Variants in ARHGAP26 observed in about 807,000 individuals in gnomAD.
ARHGAP26 encodes the protein Rho GTPase activating protein 26.
A neutral mutation model predicts 104.8 loss-of-function variants in ARHGAP26; 38 were observed. The observed-to-expected ratio is 0.36, with a 90% CI of 0.28 to 0.48. The LOEUF (loss-of-function observed/expected upper bound fraction) is 0.48. Ranked by LOEUF, ARHGAP26 falls within the 20% of genes least tolerant of loss-of-function variation. The pLI, the probability that ARHGAP26 is intolerant of heterozygous loss-of-function variation, is 0.99. For synonymous variants in ARHGAP26, 341 were observed against 340.0 expected (o/e 1.00, Z -0.03); for missense variants, 704 against 947.9 (o/e 0.74, Z 3.38).
chr5:142,851,283 G>C (rs904027043), intron 1 of ARHGAP26, among the ~76,000 whole-genome samples: 1 of 152,096 alleles, frequency 6.6e-6, no homozygotes, highest in Non-Finnish European at 1.5e-5. Flanking sequence ...TTTTAGTAGA[G>C]ACGGGGTTTT....
At chr5:143,077,043 T>C (rs1270031015) in intron 17 of ARHGAP26, among the ~76,000 whole-genome samples, 1 of 152,244 alleles carries the variant, frequency 6.6e-6, no homozygotes, top group African/African-American at 2.4e-5. Context: ...AGTGCCACAT[T>C]ATTCTCTGTC....
rs369356204 is a variant in ARHGAP26, at chr5:143,081,400, G to A, written c.1538+23653G>A. ...ATAAAATCAAACTCTGGAAGACTAA[G>A]CACGCTGTTTGGGGAATATATTACT... On this transcript the variant is annotated intron_variant, in intron 17 of 22. Transcript: ENST00000645722. Among the ~76,000 whole-genome samples, 29 of 152,312 alleles carry A rather than the reference G, an allele frequency of 1.9e-4. 2 individuals are homozygous for A. In the East Asian group the frequency reaches 5.4e-3, roughly 28 times the overall value.
At chr5:143,062,214 A>T (rs776055051) in intron 17 of ARHGAP26, among the ~76,000 whole-genome samples, 9 of 152,264 alleles carry the variant, frequency 5.9e-5, no homozygotes, top group Non-Finnish European at 1.2e-4. Flanking sequence ...GTGTGGGCAC[A>T]TAGGCACTAA....
intron 1 of ARHGAP26, among the ~76,000 whole-genome samples, chr5:142,841,304 G>C (rs1770748813): frequency 2.0e-5 from 3 of 152,170 alleles, no homozygotes; most frequent in Admixed American, 1.3e-4. Flanking sequence ...GTCAGATGAA[G>C]TGTCAAGATC....
chr5:142,843,313 G>A (rs1771186593), intron 1 of ARHGAP26, among the ~76,000 whole-genome samples: 1 of 152,180 alleles, frequency 6.6e-6, no homozygotes, highest in South Asian at 2.1e-4. Context: ...CCAAATTGAG[G>A]CCTGTGTCTT....
intron 11 of ARHGAP26, among the ~76,000 whole-genome samples, chr5:142,941,755 G>T (rs769777248): frequency 6.6e-6 from 1 of 152,182 alleles, no homozygotes; most frequent in Non-Finnish European, 1.5e-5. Flanking sequence ...GAGTTACAAG[G>T]TTGGAGAAAA....
chr5:142,915,849 A>G (rs1201667140), intron 10 of ARHGAP26, among the ~76,000 whole-genome samples: 1 of 152,110 alleles, frequency 6.6e-6, no homozygotes, highest in Non-Finnish European at 1.5e-5. Flanking sequence ...AGAGAAGGAA[A>G]AGGCATTTTC....
At chr5:142,816,799 G>GTT (rs1445534108) in intron 1 of ARHGAP26, among the ~76,000 whole-genome samples, 5 of 152,202 alleles carry the variant, frequency 3.3e-5, no homozygotes, top group Non-Finnish European at 7.3e-5. Flanking sequence ...ATAGGGGGAA[G>GTT]GTGTGATCAG....
chr5:142,924,935 A>G (rs1367625699), intron 10 of ARHGAP26, among the ~76,000 whole-genome samples: 1 of 152,254 alleles, frequency 6.6e-6, no homozygotes, highest in South Asian at 2.1e-4. Flanking sequence ...GTTGGTCTTA[A>G]TGCATGAGAT....
intron 1 of ARHGAP26, among the ~76,000 whole-genome samples, chr5:142,862,281 T>G (rs1042009401): frequency 3.3e-5 from 5 of 152,312 alleles, no homozygotes; most frequent in African/African-American, 1.2e-4. Flanking sequence ...AGACAGTAAG[T>G]TGTAGAACTT....
chr5:143,168,170 G>A (rs1374457316), intron 20 of ARHGAP26, among the ~76,000 whole-genome samples: 1 of 152,208 alleles, frequency 6.6e-6, no homozygotes, highest in Non-Finnish European at 1.5e-5. Flanking sequence ...CAGGGCACAT[G>A]TGGGGAGCTG....
At chr5:142,811,616 G>A (rs1194453260) in intron 1 of ARHGAP26, among the ~76,000 whole-genome samples, 1 of 152,042 alleles carries the variant, frequency 6.6e-6, no homozygotes, top group African/African-American at 2.4e-5. Flanking sequence ...ATGCCTTTGC[G>A]GAGCTTATAT....
intron 17 of ARHGAP26, among the ~76,000 whole-genome samples, chr5:143,114,938 G>A (rs910285421): frequency 6.6e-6 from 1 of 152,208 alleles, no homozygotes; most frequent in African/African-American, 2.4e-5. Flanking sequence ...GCATGATGTT[G>A]TTGGTGTCAT....
chr5:142,834,550 G>A (rs562980059), intron 1 of ARHGAP26, among the ~76,000 whole-genome samples: 4 of 152,334 alleles, frequency 2.6e-5, no homozygotes, highest in Non-Finnish European at 5.9e-5. Flanking sequence ...TGGATTGACT[G>A]GGTGGTTCTG....
intron 17 of ARHGAP26, among the ~76,000 whole-genome samples, chr5:143,060,967 G>T (rs1786614506): frequency 6.6e-6 from 1 of 152,198 alleles, no homozygotes; most frequent in African/African-American, 2.4e-5. Context: ...AGATTTTATT[G>T]TCGTGATTAA....
intron 11 of ARHGAP26, among the ~76,000 whole-genome samples, chr5:142,964,620 T>C (rs1770979329): frequency 6.6e-6 from 1 of 152,050 alleles, no homozygotes; most frequent in African/African-American, 2.4e-5. Flanking sequence ...CTGTCAAGTC[T>C]TGGAGACATG....
intron 1 of ARHGAP26, among the ~76,000 whole-genome samples, chr5:142,776,962 TG>T (rs1301775180): frequency 3.9e-5 from 6 of 152,336 alleles, no homozygotes; most frequent in African/African-American, 1.4e-4. Flanking sequence ...GCCACTCTAG[TG>T]GGTGTGAAGT....
At chr5:143,220,269 A>G (rs1212461368) in intron 22 of ARHGAP26, among the ~76,000 whole-genome samples, 2 of 151,980 alleles carry the variant, frequency 1.3e-5, no homozygotes, top group African/African-American at 2.4e-5. Flanking sequence ...TAAACATTTG[A>G]TTTTTCCTGA....
At chr5:143,187,047 T>C (rs1405171729) in intron 20 of ARHGAP26, among the ~76,000 whole-genome samples, 1 of 152,200 alleles carries the variant, frequency 6.6e-6, no homozygotes, top group African/African-American at 2.4e-5. Flanking sequence ...TAGTAAACAC[T>C]ATATGCCAGG....
Sources: gnomAD v4.1 joint callset for allele counts (sites outside exome capture counted in the v4.1 genomes callset) on GRCh38, gnomAD v4.1.1 for gene constraint, MANE v1.5 for transcripts, NCBI Gene and HGNC (gene_info 2026-07-23, HGNC 2026-07-21) for gene names.